Variants in CASR observed in about 807,000 individuals in gnomAD.
CASR encodes the protein extracellular calcium-sensing receptor.
Under a neutral mutation model 69.1 loss-of-function variants are expected in CASR, and 23 were observed. That is an observed-to-expected ratio of 0.33 (90% CI 0.24 to 0.47). The LOEUF is 0.47. Ranked by LOEUF, CASR falls within the 20% of genes least tolerant of loss-of-function variation. The pLI is 1.00. For missense variants in CASR, 924 were observed against 1,356.1 expected, an observed-to-expected ratio of 0.68 and a Z score of 5.00; for synonymous variants, 541 against 544.7, an observed-to-expected ratio of 0.99 and a Z score of 0.10.
chr3:122,290,660 G>T lies in CASR; in HGVS notation c.*5469G>T, dbSNP rs1204405651. 1 of 151,550 alleles carries T rather than the reference G, an allele frequency of 6.6e-6. No homozygotes were observed. The highest frequency in any genetic ancestry group is 1.5e-5 in the Non-Finnish European group (1 of 67,900). The allele number at this position is 151,550 out of a possible 1,614,324, so 9.4% of individuals were successfully genotyped here. On this transcript the variant is annotated 3_prime_UTR_variant, in exon 7 of 7. Coordinates refer to ENST00000639785, the MANE Select transcript of CASR (RefSeq NM_000388.4). The stretch of plus-strand genomic sequence containing the variant: ...TAAACATGCAACCAAATTTTAAACA[G>T]ATAAGTATATCATATTAGATAGGAA...
At chr3:122,206,869 A>G (rs2074012317) in intron 1 of CASR, among the ~76,000 whole-genome samples, 1 of 152,014 alleles carries the variant, frequency 6.6e-6, no homozygotes, top group Non-Finnish European at 1.5e-5. Context: ...CACAATAGTC[A>G]TAGCAGTCTC....
rs2074697406 is a variant in CASR at position 122,266,575 on chromosome 3, C to A, written c.1377+4163C>A. Among the ~76,000 whole-genome samples, 3 of 151,872 alleles carry A rather than the reference C, an allele frequency of 2.0e-5. No individual in the cohort carries two copies. In the South Asian group the frequency reaches 6.2e-4, roughly 32 times the overall value. ...ATCTTTCTACTAGCTTTTTTTGTTT[C>A]TCTTCCCCTTCGTTTATTCTTTTTC... On this transcript the variant is annotated intron_variant, in intron 4 of 6. Coordinates refer to ENST00000639785, the MANE Select transcript of CASR (RefSeq NM_000388.4).
intron 1 of CASR, among the ~76,000 whole-genome samples, chr3:122,234,571 A>AAC (rs2074311217): frequency 6.6e-6 from 1 of 152,230 alleles, no homozygotes; most frequent in African/African-American, 2.4e-5. Context: ...AGAGGATGGA[A>AAC]TTTTATTTAT....
intron 1 of CASR, among the ~76,000 whole-genome samples, chr3:122,204,188 T>G (rs1220247098): frequency 1.3e-5 from 2 of 152,158 alleles, no homozygotes. Context: ...CTAAACACTG[T>G]CTTATTTATT....
intron 3 of CASR, 63 bp from the exon 4 acceptor site, chr3:122,261,465 G>A (rs868192744): frequency 2.7e-6 from 4 of 1,491,078 alleles, no homozygotes; most frequent in Middle Eastern, 2.1e-4. Context: ...ACAGCCTGGA[G>A]GCTCACTCAG....
In CASR at chr3:122,204,923, T is replaced by C. The variant is rs376267361; in HGVS notation, c.-243+21111T>C. On this transcript the variant is annotated intron_variant, in intron 1 of 6. Transcript: ENST00000639785. ...TTTTGCCCATTTTTTAATTGCATTA[T>C]TCATTTTTTTGCTATTGAGTTGTTT... is the stretch of plus-strand genomic sequence containing the variant. Among the ~76,000 whole-genome samples, 36 of 152,224 alleles carry C rather than the reference T, an allele frequency of 2.4e-4. No individual in the cohort carries two copies. The East Asian group carries it at 5.0e-3, about 21-fold the overall frequency.
At chr3:122,209,556 T>C (rs931788174) in intron 1 of CASR, among the ~76,000 whole-genome samples, 5 of 152,202 alleles carry the variant, frequency 3.3e-5, no homozygotes, top group Non-Finnish European at 5.9e-5. Flanking sequence ...GAAGCCATCG[T>C]ATCTCATGAG....
At position 122,284,778 on chromosome 3, in the gene CASR, GAGC is replaced by G. The variant is rs747740545; in HGVS notation, c.2837_2839del (p.Gln946del). The G allele has an allele frequency of 1.9e-6, 3 of 1,614,020 alleles. No individual in the cohort carries two copies. The highest frequency in any genetic ancestry group is 2.5e-6 in the Non-Finnish European group (3 of 1,179,996). The stretch of plus-strand genomic sequence containing the variant: ...GCAGCCGCTGGCCCTAACCCAGCAA[GAGC>G]AGCAGCAGCAGCCCCTGACCCTCCC... On this transcript the variant is annotated inframe_deletion, in exon 7 of 7. Transcript: ENST00000639785.
chr3:122,261,966 T>G lies in CASR; in HGVS notation c.931T>G (p.Phe311Val), dbSNP rs2107632568. The G allele has an allele frequency of 3.1e-6, 5 of 1,614,162 alleles. No individual in the cohort carries two copies. The South Asian group carries it at 5.5e-5, about 18-fold the overall frequency. The change falls in exon 4 of 7, where the codon TTC becomes GTC. Residue 311 changes from phenylalanine (F) to valine (V), a missense_variant. Phe to Val is a conservative substitution (Grantham distance 50). Coordinates refer to ENST00000639785, the MANE Select transcript of CASR (RefSeq NM_000388.4). ...CTCCCTGATCGCCATGCCTCAGTAC[T>G]TCCACGTGGTTGGCGGCACCATTGG... ...SSSLIAMPQYFHVVGGTIGFA... is the reference protein window; with the variant it reads ...SSSLIAMPQYVHVVGGTIGFA...
Position 122,262,229 on chromosome 3 carries a change from T to G in CASR, c.1194T>G (p.Asp398Glu). The G allele has an allele frequency of 6.2e-7, 1 of 1,614,122 alleles. No individual in the cohort carries two copies. The highest frequency in any genetic ancestry group is 8.5e-7 in the Non-Finnish European group (1 of 1,179,958). The change falls in exon 4 of 7, where the codon GAT becomes GAG. Residue 398 changes from aspartate to glutamate, a missense_variant. By Grantham distance (45) the Asp-to-Glu change is conservative (BLOSUM62 2). This residue lies in a region of CASR where 310 missense variants were observed against 395.7 expected (regional missense o/e 0.78). Coordinates refer to ENST00000639785, the MANE Select transcript of CASR (RefSeq NM_000388.4). ...CCTTCCGACCCCTCTGTACAGGGGA[T>G]GAGAACATCAGCAGTGTCGAGACCC... ...STAFRPLCTG[D>E]ENISSVETPY...
chr3:122,259,263 G>T (rs565442314), intron 3 of CASR, among the ~76,000 whole-genome samples: 30 of 152,002 alleles, frequency 2.0e-4, no homozygotes, highest in Non-Finnish European at 4.0e-4. Flanking sequence ...ACCTATTTTT[G>T]AAAAACTCAA....
At chr3:122,218,367 C>T (rs1326446150) in intron 1 of CASR, among the ~76,000 whole-genome samples, 1 of 151,906 alleles carries the variant, frequency 6.6e-6, no homozygotes, top group East Asian at 1.9e-4. Flanking sequence ...AACCCCGCCT[C>T]TACTAAAATA....
intron 1 of CASR, among the ~76,000 whole-genome samples, chr3:122,211,607 C>G (rs75473459): frequency 0.096 from 14,573 of 152,218 alleles, 778 homozygotes; most frequent in Non-Finnish European, 0.11. Context: ...GCTCAGGAGG[C>G]TGAGACACAA....
intron 4 of CASR, among the ~76,000 whole-genome samples, chr3:122,268,185 T>C (rs1220975869): frequency 6.6e-6 from 1 of 152,220 alleles, no homozygotes; most frequent in African/African-American, 2.4e-5. Flanking sequence ...TCATGAAACT[T>C]GTTAAGTTTA....
At chr3:122,194,890 C>T (rs1032883320) in intron 1 of CASR, among the ~76,000 whole-genome samples, 6 of 152,086 alleles carry the variant, frequency 3.9e-5, no homozygotes, top group African/African-American at 1.4e-4. Flanking sequence ...TTGGGAGCAG[C>T]ATGGCCAACA....
At chr3:122,257,667 A>T in intron 3 of CASR, 1 of 337,158 alleles carries the variant, frequency 3.0e-6, no homozygotes, top group Non-Finnish European at 5.4e-6. Context: ...TTTATTTCCC[A>T]CTCTATTCCT....
chr3:122,243,772 AC>A (rs1424154853), intron 1 of CASR, among the ~76,000 whole-genome samples: 1 of 152,170 alleles, frequency 6.6e-6, no homozygotes, highest in Non-Finnish European at 1.5e-5. Flanking sequence ...TTTGGATGCA[AC>A]CTAAGTGTCC....
At chr3:122,273,489 C>G (rs2107641633) in intron 4 of CASR, among the ~76,000 whole-genome samples, 1 of 152,316 alleles carries the variant, frequency 6.6e-6, no homozygotes, top group East Asian at 1.9e-4. Flanking sequence ...TACCTCTTCA[C>G]TTTTCTCATC....
chr3:122,235,026 T>A (rs558718418), intron 1 of CASR, among the ~76,000 whole-genome samples: 1 of 152,270 alleles, frequency 6.6e-6, no homozygotes, highest in South Asian at 2.1e-4. Context: ...CCTGAAGAGC[T>A]CATAGAAAGG....
Sources: allele counts gnomAD v4.1 joint callset (sites outside exome capture counted in the v4.1 genomes callset), GRCh38; gene constraint gnomAD v4.1.1; regional missense constraint gnomAD v4.1.1; transcripts MANE v1.5; gene names NCBI Gene and HGNC (gene_info 2026-07-23, HGNC 2026-07-21).